Variants in SLCO2B1 observed in about 807,000 individuals in gnomAD.
The protein encoded by SLCO2B1 is OATP-RP2.
A neutral mutation model predicts 67.3 loss-of-function variants in SLCO2B1; 41 were observed. That is an observed-to-expected ratio of 0.61 (90% CI 0.47 to 0.79). The LOEUF is 0.79. Among genes scored for constraint, SLCO2B1 ranks in the 30% least tolerant of loss-of-function variants. The pLI is 0.00. For missense variants in SLCO2B1, 837 were observed against 920.1 expected, an observed-to-expected ratio of 0.91 and a Z score of 1.17; for synonymous variants, 379 against 381.4, an observed-to-expected ratio of 0.99 and a Z score of 0.07.
At chr11:75,198,261 C>G (rs1184059445) in intron 10 of SLCO2B1, among the ~76,000 whole-genome samples, 4 of 152,218 alleles carry the variant, frequency 2.6e-5, no homozygotes, top group Non-Finnish European at 4.4e-5. Context: ...AGGCCTCTAA[C>G]TGACTCTGTT....
intron 4 of SLCO2B1, 120 bp downstream of exon 4, chr11:75,166,069 C>T: frequency 8.1e-7 from 1 of 1,229,078 alleles, no homozygotes; most frequent in Non-Finnish European, 1.1e-6. Flanking sequence ...CACCCCAGGA[C>T]AGCTGCTAGT....
chr11:75,181,376 A>AC, intron 7 of SLCO2B1, among the ~76,000 whole-genome samples: 1 of 150,614 alleles, frequency 6.6e-6, no homozygotes, highest in Admixed American at 6.6e-5. Context: ...CTGCCTCAAA[A>AC]AAAAAAAAAA....
chr11:75,202,876 T>C, intron 11 of SLCO2B1, 25 bp from the exon 12 acceptor site: 1 of 1,611,620 alleles, frequency 6.2e-7, no homozygotes. Context: ...TCCAACCTCA[T>C]GTTGCCCATG....
chr11:75,165,999 C>A (rs376620641), intron 4 of SLCO2B1, 50 bp downstream of exon 4: 1 of 1,576,240 alleles, frequency 6.3e-7, no homozygotes, highest in East Asian at 2.3e-5. Context: ...CTCTGCATTG[C>A]TTTGCGCTGG....
intron 9 of SLCO2B1, among the ~76,000 whole-genome samples, chr11:75,195,262 C>A (rs1448334745): frequency 6.6e-6 from 1 of 152,198 alleles, no homozygotes; most frequent in Non-Finnish European, 1.5e-5. Flanking sequence ...AGCTTTCCAG[C>A]TGCTAGCAGA....
chr11:75,152,245 G>A (rs1949701218), intron 1 of SLCO2B1: 1 of 152,354 alleles, frequency 6.6e-6, no homozygotes, highest in African/African-American at 2.4e-5. Context: ...GAGTACTCCA[G>A]GTTAGACGCC....
chr11:75,160,637 C>T (rs1949807378), intron 1 of SLCO2B1, among the ~76,000 whole-genome samples: 1 of 152,234 alleles, frequency 6.6e-6, no homozygotes, highest in Non-Finnish European at 1.5e-5. Flanking sequence ...CTTCCCTAGG[C>T]CAATTTCCCG....
In SLCO2B1 at chr11:75,158,255, T is replaced by C. The variant is rs557019011; in HGVS notation, c.17-4400T>C. Among the ~76,000 whole-genome samples the C allele has an allele frequency of 2.0e-3, 307 of 152,322 alleles. 2 individuals are homozygous for C. The highest frequency in any genetic ancestry group is 3.5e-3 in the Non-Finnish European group (237 of 68,026). On this transcript the variant is annotated intron_variant, in intron 1 of 13. Transcript: ENST00000289575. The stretch of plus-strand genomic sequence containing the variant: ...ACACCTGGCTAATTTTTTGCATTTG[T>C]AGTACAGATGAGGTTTCACCATGTT...
chr11:75,177,474 G>A (rs774257599), intron 7 of SLCO2B1, among the ~76,000 whole-genome samples: 2 of 152,178 alleles, frequency 1.3e-5, no homozygotes, highest in African/African-American at 2.4e-5. Context: ...ATGTCATGCT[G>A]GAGGCCTGCT....
intron 1 of SLCO2B1, 51 bp from the exon 2 acceptor site, chr11:75,162,604 C>A (rs764455502): frequency 4.2e-5 from 66 of 1,582,968 alleles, no homozygotes; most frequent in Non-Finnish European, 5.1e-5. Context: ...CAGGTCAGGG[C>A]CATTCTCGGG....
intron 7 of SLCO2B1, among the ~76,000 whole-genome samples, chr11:75,176,483 G>A (rs1950025317): frequency 6.6e-6 from 1 of 152,226 alleles, no homozygotes; most frequent in Non-Finnish European, 1.5e-5. Context: ...TGGTTTTAAA[G>A]TCTGTGTTCC....
rs368465543 is a variant in SLCO2B1, at chr11:75,165,931, T to G, written c.430T>G (p.Tyr144Asp). The G allele has an allele frequency of 5.0e-6, 8 of 1,613,934 alleles. No individual in the cohort carries two copies. The African/African-American group carries it at 1.1e-4, about 22-fold the overall frequency. Residue 144 changes from tyrosine (Y) to aspartate (D), a missense_variant, in exon 4 of 14, where the codon TAC (tyrosine) becomes GAC (aspartate). Coordinates refer to ENST00000289575, the MANE Select transcript of SLCO2B1 (RefSeq NM_007256.5). The part of the protein sequence containing the change: ...LPHFISEPYR[Y>D]DNTSPEDMPQ... Reference sequence around the variant, plus strand: ...GCACTTCATCTCGGAGCCATACCGCTACGACAACACCAGCCCTGGTAAGAG... The same window carrying G: ...GCACTTCATCTCGGAGCCATACCGCGACGACAACACCAGCCCTGGTAAGAG...
At chr11:75,185,927 G>C (rs187418735) in intron 7 of SLCO2B1, among the ~76,000 whole-genome samples, 1 of 152,132 alleles carries the variant, frequency 6.6e-6, no homozygotes, top group Non-Finnish European at 1.5e-5. Context: ...AAATGCTTCT[G>C]TTCTCCAGAC....
intron 10 of SLCO2B1, among the ~76,000 whole-genome samples, chr11:75,197,821 G>A (rs879027102): frequency 6.6e-6 from 1 of 152,204 alleles, no homozygotes; most frequent in Admixed American, 6.5e-5. Context: ...TGAAGGCAAT[G>A]TAATCAGCAG....
At chr11:75,181,021 G>A (rs543170834) in intron 7 of SLCO2B1, among the ~76,000 whole-genome samples, 5 of 152,274 alleles carry the variant, frequency 3.3e-5, no homozygotes, top group Non-Finnish European at 7.4e-5. Flanking sequence ...TGGTTCTGAG[G>A]TTTCTGGTAG....
In SLCO2B1 at chr11:75,182,881, T is replaced by TA. The variant is rs576962749; in HGVS notation, c.973-5249dup. ...TTCTGCTTACCCTGCCCCTTCCTGA[T>TA]AAAAAATGTTGGGAAGTGATCAGTC... On this transcript the variant is annotated intron_variant, in intron 7 of 13. Transcript: ENST00000289575. 1.8e-3 allele frequency among the ~76,000 whole-genome samples: 280 copies of TA among 152,232 alleles called. 1 individual carries two copies. Among genetic ancestry groups the TA allele is most frequent in the African/African-American group, 6.4e-3 (267 of 41,520 alleles).
chr11:75,193,637 C>A lies in SLCO2B1; in HGVS notation c.1433+62C>A. The A allele has an allele frequency of 6.9e-7, 1 of 1,439,308 alleles. No individual in the cohort carries two copies. Among genetic ancestry groups the A allele is most frequent in the Non-Finnish European group, 9.3e-7 (1 of 1,077,752 alleles). 89.2% of individuals were successfully genotyped at this position (1,439,308 alleles called of 1,614,324 possible). ...GAGGACAGGACAGGGAGGACAGGGGCCCTGGGCAGAGGCCAGGATGGCAGG... is the reference window on the plus strand; with the variant it reads ...GAGGACAGGACAGGGAGGACAGGGGACCTGGGCAGAGGCCAGGATGGCAGG... On this transcript the variant is annotated intron_variant, in intron 9 of 13. Transcript: ENST00000289575. The surrounding 1 kb of genome is among the most constrained non-coding windows in gnomAD (Gnocchi z 4.2).
chr11:75,169,986 AC>A (rs976751207), intron 6 of SLCO2B1: 2 of 538,850 alleles, frequency 3.7e-6, no homozygotes, highest in African/African-American at 3.8e-5. Context: ...GTGGAGATAA[AC>A]TGTAAAGTGC....
chr11:75,184,526 C>G (rs1950127324), intron 7 of SLCO2B1, among the ~76,000 whole-genome samples: 1 of 152,190 alleles, frequency 6.6e-6, no homozygotes, highest in South Asian at 2.1e-4. Flanking sequence ...TGCTCAAGCA[C>G]CAGGGAGGCC....
Sources: gnomAD v4.1 joint callset for allele counts (sites outside exome capture counted in the v4.1 genomes callset) on GRCh38, gnomAD v4.1.1 for gene constraint, Gnocchi (gnomAD v3.1) non-coding constraint, MANE v1.5 for transcripts, NCBI Gene and HGNC (gene_info 2026-07-23, HGNC 2026-07-21) for gene names.